CC2D2B: variants seen among roughly 807,000 people sequenced by gnomAD.
CC2D2B encodes protein CC2D2B.
CC2D2B carries 128 observed loss-of-function variants against 161.2 expected under a neutral mutation model. The ratio of observed to expected loss-of-function variants is 0.79; its 90% confidence interval spans 0.69 to 0.92. The LOEUF (loss-of-function observed/expected upper bound fraction) is 0.92. Among genes scored for constraint, CC2D2B ranks in the 40% least tolerant of loss-of-function variants. The pLI, the probability that CC2D2B is intolerant of heterozygous loss-of-function variation, is 0.00. For synonymous variants in CC2D2B, 391 were observed against 449.8 expected (o/e 0.87, Z 1.65); for missense variants, 1,173 against 1,375.1 (o/e 0.85, Z 2.32).
intron 10 of CC2D2B, among the ~76,000 whole-genome samples, chr10:95,950,749 G>A (rs545869557): frequency 2.0e-4 from 30 of 152,092 alleles, no homozygotes; most frequent in African/African-American, 5.8e-4. Context: ...CCACAAAGCC[G>A]TCTCAATAAA....
intron 32 of CC2D2B, chr10:96,020,690 T>G (rs1356231249): frequency 6.6e-6 from 1 of 152,084 alleles, no homozygotes; most frequent in African/African-American, 2.4e-5. Context: ...ATAGAAGCAG[T>G]AACTTACATG....
At chr10:95,998,496 T>C (rs1362486657) in intron 24 of CC2D2B, among the ~76,000 whole-genome samples, 1 of 152,130 alleles carries the variant, frequency 6.6e-6, no homozygotes, top group Non-Finnish European at 1.5e-5. Context: ...TTAAAGAATG[T>C]CATTGTGTAC....
chr10:95,910,782 C>CT (rs1016834399), intron 1 of CC2D2B, among the ~76,000 whole-genome samples: 136 of 152,098 alleles, frequency 8.9e-4, no homozygotes, highest in African/African-American at 2.9e-3. Flanking sequence ...TAATCAGATC[C>CT]TTTTTTTTCT....
At chr10:96,028,491 T>C (rs917302734) in intron 34 of CC2D2B, among the ~76,000 whole-genome samples, 4 of 152,194 alleles carry the variant, frequency 2.6e-5, no homozygotes, top group Non-Finnish European at 5.9e-5. Flanking sequence ...CTGGAGAGGA[T>C]GTGGAGAAAA....
At position 96,029,109 on chromosome 10, in the gene CC2D2B, CTA is replaced by C. The variant is rs1481727664; in HGVS notation, c.4125+1721_4125+1722del. Among the ~76,000 whole-genome samples the C allele has an allele frequency of 4.0e-5, 6 of 151,354 alleles. No homozygotes were observed. In the South Asian group the frequency reaches 1.0e-3, roughly 26 times the overall value. On this transcript the variant is annotated intron_variant, in intron 34 of 34. Coordinates refer to ENST00000646931, the MANE Select transcript of CC2D2B (RefSeq NM_001349008.3). ...AATTTAATTGTACATTTAAAAATAA[CTA>C]AAAGTGTATAATTGAATTGTTTATA...
chr10:95,966,272 C>T lies in CC2D2B; in HGVS notation c.1436C>T (p.Ala479Val). The T allele has an allele frequency of 8.3e-7, 1 of 1,211,498 alleles. No individual in the cohort carries two copies. Among genetic ancestry groups the T allele is most frequent in the African/African-American group, 1.6e-5 (1 of 64,054 alleles). The allele number at this position is 1,211,498 out of a possible 1,614,324, so 75.0% of individuals were successfully genotyped here. ...ITLRPQLSFT[A>V]ELTSLSKCSL... is the part of the protein sequence containing the mutation. ...TTGAGGCCACAACTTTCTTTCACTGCAGAATTAACAAGCTTATCCAAGTGT... is the reference window on the plus strand; with the variant it reads ...TTGAGGCCACAACTTTCTTTCACTGTAGAATTAACAAGCTTATCCAAGTGT... The change falls in exon 14 of 35, where the codon GCA becomes GTA. Residue 479 changes from alanine to valine, a missense_variant. Coordinates refer to ENST00000646931, the MANE Select transcript of CC2D2B (RefSeq NM_001349008.3).
In CC2D2B at chr10:95,927,332, G is replaced by C; in HGVS notation, c.336G>C (p.Gln112His). The C allele has an allele frequency of 6.5e-7, 1 of 1,538,386 alleles. No individual in the cohort carries two copies. The highest frequency in any genetic ancestry group is 8.8e-7 in the Non-Finnish European group (1 of 1,136,008). ...EGSALGKSSEQRPVNRSYPKC... is the reference protein window; with the variant it reads ...EGSALGKSSEHRPVNRSYPKC... ...CAGCTTTGGGCAAGTCTTCAGAGCA[G>C]GTTGGATTTGTTTGCCTCCCTCCCA... The change falls in exon 6 of 35, where the codon CAG becomes CAC. Residue 112 changes from glutamine to histidine, a missense_variant and splice_region_variant. Transcript: ENST00000646931.
intron 22 of CC2D2B, among the ~76,000 whole-genome samples, chr10:95,994,313 T>A (rs1236597527): frequency 1.3e-5 from 2 of 152,054 alleles, no homozygotes; most frequent in African/African-American, 4.8e-5. Flanking sequence ...GCAGCATACA[T>A]CAGTGTTTTC....
chr10:96,026,523 C>T (rs1006592188), intron 33 of CC2D2B, among the ~76,000 whole-genome samples: 1 of 152,120 alleles, frequency 6.6e-6, no homozygotes, highest in African/African-American at 2.4e-5. Flanking sequence ...TTCATAAGGG[C>T]AGTTTCTTGG....
At chr10:95,946,076 G>A (rs1309123407) in intron 9 of CC2D2B, among the ~76,000 whole-genome samples, 4 of 152,176 alleles carry the variant, frequency 2.6e-5, no homozygotes, top group South Asian at 2.1e-4. Context: ...GAGCCACCAC[G>A]CCCAGCGGAC....
At chr10:95,967,265 C>T (rs2076971312) in intron 14 of CC2D2B, among the ~76,000 whole-genome samples, 1 of 151,628 alleles carries the variant, frequency 6.6e-6, no homozygotes, top group African/African-American at 2.4e-5. Flanking sequence ...TGTAGGACAC[C>T]CATATAAAAA....
At chr10:95,937,090 G>A (rs1266995965) in intron 6 of CC2D2B, among the ~76,000 whole-genome samples, 1 of 152,170 alleles carries the variant, frequency 6.6e-6, no homozygotes, top group Non-Finnish European at 1.5e-5. Flanking sequence ...ATAGGAGGGA[G>A]GGTATGATGA....
At chr10:96,026,637 C>T (rs1432961043) in intron 33 of CC2D2B, among the ~76,000 whole-genome samples, 1 of 152,102 alleles carries the variant, frequency 6.6e-6, no homozygotes, top group Non-Finnish European at 1.5e-5. Flanking sequence ...CAGCTGCCTA[C>T]ATACGGGTAA....
At chr10:96,018,211 A>AT (rs2079290844) in intron 30 of CC2D2B, among the ~76,000 whole-genome samples, 1 of 152,226 alleles carries the variant, frequency 6.6e-6, no homozygotes, top group African/African-American at 2.4e-5. Flanking sequence ...TCTCATTATT[A>AT]TTATTACCTA....
chr10:95,913,396 T>C, intron 2 of CC2D2B: 1 of 404,954 alleles, frequency 2.5e-6, no homozygotes, highest in South Asian at 1.9e-5. Context: ...CTTCCAAATC[T>C]TGGCTCTTGT....
chr10:95,941,813 G>C (rs1379942276), intron 9 of CC2D2B, among the ~76,000 whole-genome samples: 1 of 152,040 alleles, frequency 6.6e-6, no homozygotes, highest in South Asian at 2.1e-4. Context: ...AAATAGAACC[G>C]TAATATGATC....
At chr10:95,938,298 A>G in intron 7 of CC2D2B, 109 bp downstream of exon 7, 1 of 741,116 alleles carries the variant, frequency 1.3e-6, no homozygotes, top group Non-Finnish European at 2.2e-6. Context: ...AAATTATAGT[A>G]ACTTTTCTAT....
rs200314061 is a variant in CC2D2B at position 96,031,949 on chromosome 10, T to C, written c.4255T>C (p.Tyr1419His). The change falls in exon 35 of 35, where the codon TAC (tyrosine) becomes CAC (histidine). Residue 1419 changes from tyrosine (Y) to histidine (H), a missense_variant. Tyr to His is a moderately conservative substitution (Grantham distance 83, BLOSUM62 2). Transcript: ENST00000646931. ...EFALAVYIHP[Y>H]PNNILSVWVY... ...TGCTTTAGCTGTATACATTCACCCA[T>C]ACCCAAACAACATATTATCTGTGTG... The C allele has an allele frequency of 6.9e-5, 111 of 1,613,662 alleles. No homozygotes were observed. The highest frequency in any genetic ancestry group is 3.3e-5 in the Admixed American group (2 of 59,976).
chr10:95,993,203 TG>T (rs1353005581), intron 22 of CC2D2B: 1 of 155,016 alleles, frequency 6.5e-6, no homozygotes, highest in African/African-American at 2.4e-5. Flanking sequence ...TGTGCCCCAT[TG>T]GGTTTTATTT....
Sources: gnomAD v4.1 joint callset for allele counts (sites outside exome capture counted in the v4.1 genomes callset) on GRCh38, gnomAD v4.1.1 for gene constraint, MANE v1.5 for transcripts, NCBI Gene and HGNC (gene_info 2026-07-23, HGNC 2026-07-21) for gene names.